Variants in EDNRB observed in about 807,000 individuals in gnomAD.
The protein encoded by EDNRB is endothelin receptor type B, also known as Hirschsprung disease 2.
Under a neutral mutation model 46.4 loss-of-function variants are expected in EDNRB, and 18 were observed. The ratio of observed to expected loss-of-function variants is 0.39; its 90% CI spans 0.27 to 0.57. EDNRB has a LOEUF of 0.57. Among genes scored for constraint, EDNRB ranks in the 20% least tolerant of loss-of-function variants. EDNRB has a pLI of 0.61. For missense variants in EDNRB, 434 were observed against 537.5 expected, an observed-to-expected ratio of 0.81 and a Z score of 1.90; for synonymous variants, 213 against 204.9, an observed-to-expected ratio of 1.04 and a Z score of -0.34.
intron 1 of EDNRB, among the ~76,000 whole-genome samples, chr13:77,946,177 G>T (rs1407823071): frequency 6.6e-6 from 1 of 152,164 alleles, no homozygotes; most frequent in Admixed American, 6.5e-5. Context: ...TTGCACACCT[G>T]TTTCTCTATA....
At chr13:77,899,668 G>C (rs2137602833) in intron 6 of EDNRB, 191 bp downstream of exon 6, 1 of 544,664 alleles carries the variant, frequency 1.8e-6, no homozygotes, top group South Asian at 2.1e-5. Flanking sequence ...TGGCTGACTA[G>C]GATTTATAGG....
chr13:77,899,384 T>C (rs1269535719), intron 6 of EDNRB: 1 of 170,578 alleles, frequency 5.9e-6, no homozygotes, highest in African/African-American at 2.5e-5. Context: ...ATCACTGTTA[T>C]ACAAAAAAGG....
At chr13:77,919,578 G>A, upstream of EDNRB, 1 of 1,611,792 alleles carries the variant, frequency 6.2e-7, no homozygotes, top group Non-Finnish European at 8.5e-7. Flanking sequence ...CCGTTTGCTC[G>A]GGGTCTCTGC....
At chr13:77,973,150 A>C (rs1183821555) in intron 1 of EDNRB, among the ~76,000 whole-genome samples, 2 of 152,178 alleles carry the variant, frequency 1.3e-5, no homozygotes, top group Non-Finnish European at 2.9e-5. Flanking sequence ...TTGGCAGTGG[A>C]CTTTATAGTC....
chr13:77,896,707 G>A lies in EDNRB; in HGVS notation c.*1493C>T. The A allele has an allele frequency of 2.1e-6, 3 of 1,415,902 alleles. No homozygotes were observed. Among genetic ancestry groups the A allele is most frequent in the Non-Finnish European group, 2.8e-6 (3 of 1,090,786 alleles). 87.7% of individuals were successfully genotyped at this position (1,415,902 alleles called of 1,614,324 possible). On this transcript the variant is annotated 3_prime_UTR_variant, in exon 7 of 7. Coordinates refer to ENST00000646607, the MANE Select transcript of EDNRB (RefSeq NM_001122659.3). ...AGGACCTTTTGCATTGATGTGACGA[G>A]GCAATGACGAACGTTAGGCTAAGAA...
chr13:77,968,020 T>C (rs1881628193), intron 1 of EDNRB, among the ~76,000 whole-genome samples: 1 of 152,196 alleles, frequency 6.6e-6, no homozygotes, highest in South Asian at 2.1e-4. Flanking sequence ...ACAGTTTAAG[T>C]TTATTCCCTA....
intron 1 of EDNRB, among the ~76,000 whole-genome samples, chr13:77,969,327 C>T (rs1292304729): frequency 6.6e-6 from 1 of 152,154 alleles, no homozygotes; most frequent in African/African-American, 2.4e-5. Context: ...TTGCTGTTTG[C>T]AAAGACCATT....
In EDNRB at chr13:77,896,722, T is replaced by C. The variant is rs1359831133; in HGVS notation, c.*1478A>G. On this transcript the variant is annotated 3_prime_UTR_variant, in exon 7 of 7. Transcript: ENST00000646607. The stretch of plus-strand genomic sequence containing the variant: ...GATGTGACGAGGCAATGACGAACGT[T>C]AGGCTAAGAATGGGAATCTGTCCCC... 1 of 1,398,710 alleles carries C rather than the reference T, an allele frequency of 7.1e-7. No individual in the cohort carries two copies. Among genetic ancestry groups the C allele is most frequent in the Non-Finnish European group, 9.2e-7 (1 of 1,081,554 alleles). The allele number at this position is 1,398,710 out of a possible 1,614,324, so 86.6% of individuals were successfully genotyped here.
At chr13:77,938,764 T>C (rs1479881680) in intron 1 of EDNRB, among the ~76,000 whole-genome samples, 1 of 151,954 alleles carries the variant, frequency 6.6e-6, no homozygotes, top group African/African-American at 2.4e-5. Flanking sequence ...GGCACCAAGA[T>C]TGAAAGGAGA....
At chr13:77,931,062 T>C (rs1249022681) in intron 1 of EDNRB, among the ~76,000 whole-genome samples, 2 of 152,192 alleles carry the variant, frequency 1.3e-5, no homozygotes, top group Non-Finnish European at 2.9e-5. Flanking sequence ...AAAAGCGGCA[T>C]CTAAATAGTT....
intron 1 of EDNRB, among the ~76,000 whole-genome samples, chr13:77,914,033 A>G (rs1481961182): frequency 6.6e-6 from 1 of 152,260 alleles, no homozygotes; most frequent in Non-Finnish European, 1.5e-5. Flanking sequence ...ACAGATAAAC[A>G]TTAATATGCA....
intron 1 of EDNRB, among the ~76,000 whole-genome samples, chr13:77,948,702 A>G (rs997349258): frequency 6.6e-6 from 1 of 152,238 alleles, no homozygotes; most frequent in East Asian, 1.9e-4. Context: ...TATCCTTATT[A>G]TAAGAATATT....
At chr13:77,903,418 C>A in intron 2 of EDNRB, 58 bp from the exon 3 acceptor site, 1 of 1,610,442 alleles carries the variant, frequency 6.2e-7, no homozygotes, top group Non-Finnish European at 8.5e-7. Context: ...TATTGAATTG[C>A]ACAGTTTATT....
intron 1 of EDNRB, among the ~76,000 whole-genome samples, chr13:77,972,160 G>T (rs1369558592): frequency 2.0e-5 from 3 of 152,186 alleles, no homozygotes; most frequent in Non-Finnish European, 4.4e-5. Context: ...AGCTTGGCAT[G>T]ACTTATTACT....
intron 1 of EDNRB, among the ~76,000 whole-genome samples, chr13:77,960,448 A>G (rs1241543682): frequency 6.6e-6 from 1 of 152,190 alleles, no homozygotes; most frequent in Non-Finnish European, 1.5e-5. Flanking sequence ...AAGCTTCATA[A>G]GTGAAGGAGA....
chr13:77,941,983 C>T (rs1880761884), intron 1 of EDNRB, among the ~76,000 whole-genome samples: 1 of 152,118 alleles, frequency 6.6e-6, no homozygotes, highest in Admixed American at 6.5e-5. Context: ...ACATTATTAA[C>T]CACTGCAACC....
intron 1 of EDNRB, among the ~76,000 whole-genome samples, chr13:77,948,824 A>G (rs1881008253): frequency 1.3e-5 from 2 of 152,238 alleles, no homozygotes; most frequent in African/African-American, 2.4e-5. Flanking sequence ...TACAAAGGGA[A>G]GTCATAGTAG....
chr13:77,963,643 G>A (rs901412181), intron 1 of EDNRB, among the ~76,000 whole-genome samples: 2 of 152,154 alleles, frequency 1.3e-5, no homozygotes, highest in Non-Finnish European at 2.9e-5. Context: ...AGACTTAAAT[G>A]TTAGACCTAA....
chr13:77,919,244 C>G (rs1879986482), upstream of EDNRB: 1 of 808,638 alleles, frequency 1.2e-6, no homozygotes, highest in Non-Finnish European at 1.9e-6. Context: ...TTCAAACACT[C>G]GCGCTCCTTC....
Sources: gnomAD v4.1 joint callset for allele counts (sites outside exome capture counted in the v4.1 genomes callset) on GRCh38, gnomAD v4.1.1 for gene constraint, MANE v1.5 for transcripts, NCBI Gene and HGNC (gene_info 2026-07-23, HGNC 2026-07-21) for gene names.